Variants in CHAT observed in about 807,000 individuals in gnomAD.
The protein encoded by CHAT is choline O-acetyltransferase.
In CHAT, 61 loss-of-function variants were observed where a neutral mutation model predicts 76.9. The ratio of observed to expected loss-of-function variants is 0.79; its 90% CI spans 0.65 to 0.98. The LOEUF (loss-of-function observed/expected upper bound fraction) is 0.98, where lower values mean the gene tolerates loss of function less well. CHAT is among the 50% of genes least tolerant of loss of function. CHAT has a pLI of 0.00. For missense variants in CHAT, 946 were observed against 986.9 expected, an observed-to-expected ratio of 0.96 and a Z score of 0.56; for synonymous variants, 407 against 397.4, an observed-to-expected ratio of 1.02 and a Z score of -0.29.
At chr10:49,663,896 C>T (rs577086248) in intron 14 of CHAT, among the ~76,000 whole-genome samples, 1 of 152,172 alleles carries the variant, frequency 6.6e-6, no homozygotes, top group Admixed American at 6.5e-5. Context: ...GGCTATTGCA[C>T]GGCAAATTTA....
Position 49,614,119 on chromosome 10 carries a change from C to A in CHAT, c.-71C>A, listed in dbSNP as rs1360255316. 4.5e-6 allele frequency: 7 copies of A among 1,545,352 alleles called. No homozygotes were observed. The East Asian group carries it at 1.7e-4, about 38-fold the overall frequency. ...GAGCCTAAATTTGTTGCCCGAGTTCCTCCGGGAAGCGCTCCGGGTAGATTC... is the reference window on the plus strand; with the variant it reads ...GAGCCTAAATTTGTTGCCCGAGTTCATCCGGGAAGCGCTCCGGGTAGATTC... On this transcript the variant is annotated 5_prime_UTR_variant, in exon 1 of 15. Transcript: ENST00000337653.
At chr10:49,634,301 G>GGGATGGGCGGTAAAGC (rs1839224889) in intron 7 of CHAT, among the ~76,000 whole-genome samples, 1 of 152,218 alleles carries the variant, frequency 6.6e-6, no homozygotes, top group South Asian at 2.1e-4. Context: ...CAGGACCAAG[G>GGGATGGGCGGTAAAGC]GGATGGGCGG....
At chr10:49,611,633 T>G, upstream of CHAT, 1 of 1,611,884 alleles carries the variant, frequency 6.2e-7, no homozygotes, top group African/African-American at 1.3e-5. Context: ...GCCGGCGCGC[T>G]CACCACCTGT....
chr10:49,641,200 A>G (rs1036328281), intron 7 of CHAT, among the ~76,000 whole-genome samples: 26 of 152,188 alleles, frequency 1.7e-4, no homozygotes, highest in African/African-American at 4.6e-4. Context: ...TTATCTCTGT[A>G]AAGGCCCTCC....
chr10:49,612,536 G>A (rs1838329805), upstream of CHAT: 3 of 585,860 alleles, frequency 5.1e-6, no homozygotes, highest in Admixed American at 3.5e-5. Flanking sequence ...GGGGCTTGGA[G>A]CACCGAGGCC....
intron 7 of CHAT, chr10:49,637,746 T>C (rs1314896891): frequency 1.3e-5 from 2 of 152,242 alleles, no homozygotes; most frequent in African/African-American, 4.8e-5. Flanking sequence ...GACTCCCTCT[T>C]TGACCCATTC....
At chr10:49,623,121 C>A (rs1838788987) in intron 5 of CHAT, among the ~76,000 whole-genome samples, 1 of 152,216 alleles carries the variant, frequency 6.6e-6, no homozygotes, top group African/African-American at 2.4e-5. Flanking sequence ...GGGCTGTTGT[C>A]TCCTCATGGT....
At chr10:49,651,589 C>T (rs1374853366) in intron 10 of CHAT, 4 of 421,226 alleles carry the variant, frequency 9.5e-6, no homozygotes, top group Non-Finnish European at 1.3e-5. Flanking sequence ...CAGTTAATCC[C>T]TGACTCACTA....
intron 13 of CHAT, among the ~76,000 whole-genome samples, chr10:49,656,137 G>C (rs1270127309): frequency 6.6e-6 from 1 of 152,116 alleles, no homozygotes; most frequent in Non-Finnish European, 1.5e-5. Flanking sequence ...ATAGATACTT[G>C]AAAACAGAAA....
At chr10:49,646,732 T>C (rs1839682537) in intron 8 of CHAT, 58 bp downstream of exon 8, 28 of 1,583,232 alleles carry the variant, frequency 1.8e-5, no homozygotes, top group Non-Finnish European at 2.4e-5. Flanking sequence ...AGAGAGTGAG[T>C]AGGCAAGCGG....
chr10:49,650,880 G>C (rs955890869), intron 10 of CHAT, among the ~76,000 whole-genome samples: 5 of 152,122 alleles, frequency 3.3e-5, no homozygotes, highest in Admixed American at 2.0e-4. Flanking sequence ...AGCTTTGCAG[G>C]GTTGTTCAGG....
intron 1 of CHAT, chr10:49,616,043 C>T: frequency 6.2e-7 from 1 of 1,613,946 alleles, no homozygotes; most frequent in Non-Finnish European, 8.5e-7. Context: ...CACCCTACTC[C>T]ACACCAGAGA....
Position 49,614,463 on chromosome 10 carries a change from C to G in CHAT, c.274C>G (p.Pro92Ala). The change falls in exon 1 of 15, where the codon CCG (proline) becomes GCG (alanine). Residue 92 changes from proline to alanine, a missense_variant. This residue lies in a region of CHAT where 548 missense variants were observed against 516.2 expected (regional missense o/e 1.06). Coordinates refer to ENST00000337653, the MANE Select transcript of CHAT (RefSeq NM_020549.5). ...TGCAGCGTCGGCCGAGGCAGCAGAG[C>G]CGAGGAGAGCAGGTGAGAAGAAGGG... ...CGAASAEAAE[P>A]RRAGPHLCIP... 1 of 1,546,934 alleles carries G rather than the reference C, an allele frequency of 6.5e-7. No individual in the cohort carries two copies. Among genetic ancestry groups the G allele is most frequent in the Admixed American group, 2.0e-5 (1 of 51,066 alleles).
intron 10 of CHAT, 33 bp downstream of exon 10, chr10:49,649,669 C>G (rs1839806605): frequency 6.2e-7 from 1 of 1,612,646 alleles, no homozygotes; most frequent in Non-Finnish European, 8.5e-7. Flanking sequence ...TTGAGGGGTC[C>G]CCTAGGGACC....
At chr10:49,638,854 T>C (rs1839380663) in intron 7 of CHAT, among the ~76,000 whole-genome samples, 1 of 152,254 alleles carries the variant, frequency 6.6e-6, no homozygotes, top group African/African-American at 2.4e-5. Context: ...TGAATTTATT[T>C]ACTCAGATAT....
chr10:49,642,845 C>A (rs1373487209), intron 7 of CHAT, among the ~76,000 whole-genome samples: 1 of 152,246 alleles, frequency 6.6e-6, no homozygotes, highest in East Asian at 1.9e-4. Context: ...GCTTGGCTGG[C>A]CTTCAGGCCC....
intron 1 of CHAT, among the ~76,000 whole-genome samples, chr10:49,615,229 C>T (rs947104526): frequency 8.5e-5 from 13 of 152,174 alleles, no homozygotes; most frequent in African/African-American, 2.9e-4. Flanking sequence ...CCTTTACCAA[C>T]CTGACCTTGT....
intron 7 of CHAT, among the ~76,000 whole-genome samples, chr10:49,629,090 T>C (rs1218803748): frequency 6.6e-6 from 1 of 152,238 alleles, no homozygotes; most frequent in African/African-American, 2.4e-5. Context: ...ACTCTGTTGC[T>C]CACTCTCTGA....
intron 7 of CHAT, among the ~76,000 whole-genome samples, chr10:49,643,174 T>C (rs867384956): frequency 6.6e-6 from 1 of 152,280 alleles, no homozygotes; most frequent in Non-Finnish European, 1.5e-5. Flanking sequence ...TGCATCAATA[T>C]GCATGTTTAG....
Sources: allele counts gnomAD v4.1 joint callset (sites outside exome capture counted in the v4.1 genomes callset), GRCh38; gene constraint gnomAD v4.1.1; regional missense constraint gnomAD v4.1.1; transcripts MANE v1.5; gene names NCBI Gene and HGNC (gene_info 2026-07-23, HGNC 2026-07-21).